The following ADGRV1 variants were observed in gnomAD, a reference collection of about 807,000 sequenced individuals.
ADGRV1 encodes adhesion G protein-coupled receptor V1.
ADGRV1 carries 359 observed loss-of-function variants against 596.2 expected under a neutral mutation model. The observed-to-expected ratio is 0.60, with a 90% CI of 0.55 to 0.66. The LOEUF (loss-of-function observed/expected upper bound fraction) is 0.66, where lower values mean the gene tolerates loss of function less well. Ranked by LOEUF, ADGRV1 falls within the 30% of genes least tolerant of loss-of-function variation. The pLI, the probability that ADGRV1 is intolerant of heterozygous loss-of-function variation, is 0.00. For missense variants in ADGRV1, 7,274 were observed against 7,575.6 expected, an observed-to-expected ratio of 0.96 and a Z score of 1.48; for synonymous variants, 2,681 against 2,679.2, an observed-to-expected ratio of 1.00 and a Z score of -0.02.
At chr5:90,671,664 A>C (rs575265989) in intron 21 of ADGRV1, among the ~76,000 whole-genome samples, 4 of 152,210 alleles carry the variant, frequency 2.6e-5, no homozygotes, top group Admixed American at 6.5e-5. Context: ...GGTTCATATG[A>C]AAAATACAGA....
chr5:90,666,899 G>A, intron 21 of ADGRV1, among the ~76,000 whole-genome samples: 1 of 151,262 alleles, frequency 6.6e-6, no homozygotes, highest in South Asian at 2.1e-4. Context: ...TGAAATTCTG[G>A]GTTGAAAATT....
chr5:90,810,428 G>A lies in ADGRV1; in HGVS notation c.15168G>A (p.Glu5056=). 1.2e-6 allele frequency: 2 copies of A among 1,613,844 alleles called. No individual in the cohort carries two copies. Among genetic ancestry groups the A allele is most frequent in the Non-Finnish European group, 1.7e-6 (2 of 1,179,784 alleles). ...AGSAKPLEDF[E]PVQNGELFFQ... is the part of the protein sequence containing the mutation. Reference sequence around the variant, plus strand: ...GCGCCAAGCCACTGGAAGATTTTGAGCCTGTTCAGAATGGGGAACTGTTTT... The same window carrying A: ...GCGCCAAGCCACTGGAAGATTTTGAACCTGTTCAGAATGGGGAACTGTTTT... Residue 5056 remains glutamate, a synonymous_variant, in exon 74 of 90, where the codon GAG becomes GAA. Transcript: ENST00000405460.
intron 78 of ADGRV1, among the ~76,000 whole-genome samples, chr5:90,841,838 G>C (rs189300781): frequency 6.6e-6 from 1 of 152,222 alleles, no homozygotes; most frequent in East Asian, 1.9e-4. Context: ...CCATCCAGTG[G>C]TATCTCTTAA....
chr5:90,628,597 C>T lies in ADGRV1; in HGVS notation c.1274C>T (p.Thr425Ile). Residue 425 changes from threonine (T) to isoleucine (I), a missense_variant, in exon 8 of 90, where the codon ACC becomes ATC. This residue lies in a region of ADGRV1 where 1,715 missense variants were observed against 1,708.8 expected (regional missense o/e 1.00). Coordinates refer to ENST00000405460, the MANE Select transcript of ADGRV1 (RefSeq NM_032119.4). ...ATCACAGTGGTTAGAAATGGAGGAA[C>T]CCATGGGAATGTCTCTGCGAATTGG... is the stretch of plus-strand genomic sequence containing the variant. Reference protein sequence around the residue: ...EEITVVRNGGTHGNVSANWVL... With the variant: ...EEITVVRNGGIHGNVSANWVL... 2 of 1,613,764 alleles carry T rather than the reference C, an allele frequency of 1.2e-6. No homozygotes were observed. The highest frequency in any genetic ancestry group is 2.7e-5 in the African/African-American group (2 of 75,042).
At chr5:90,861,641 T>A (rs1440510033) in intron 82 of ADGRV1, among the ~76,000 whole-genome samples, 5 of 152,188 alleles carry the variant, frequency 3.3e-5, no homozygotes, top group African/African-American at 1.2e-4. Flanking sequence ...ATTCTATTTA[T>A]AGTTATAACA....
chr5:90,829,164 T>G lies in ADGRV1; in HGVS notation c.16589T>G (p.Met5530Arg). The G allele has an allele frequency of 6.4e-7, 1 of 1,563,752 alleles. No individual in the cohort carries two copies. The highest frequency in any genetic ancestry group is 1.2e-5 in the South Asian group (1 of 81,456). Residue 5530 changes from methionine to arginine, a missense_variant, in exon 77 of 90, where the codon ATG becomes AGG. Around this residue, in one of 5 missense-constraint regions of ADGRV1, gnomAD observed 1,874 missense variants for 1,970.2 expected, o/e 0.95. Coordinates refer to ENST00000405460, the MANE Select transcript of ADGRV1 (RefSeq NM_032119.4). ...VARDSGTGLM[M>R]SVNFSTQELR... ...AGAGATTCTGGGACAGGACTAATGA[T>G]GTCTGTTAACTTTAGTACCCAGGTA...
intron 17 of ADGRV1, among the ~76,000 whole-genome samples, chr5:90,650,013 A>G (rs1395365609): frequency 6.6e-6 from 1 of 152,202 alleles, no homozygotes; most frequent in Admixed American, 6.5e-5. Flanking sequence ...ACTTTCGTTA[A>G]GAAGGCTCAG....
At chr5:90,619,838 GA>G (rs1763828647) in intron 4 of ADGRV1, among the ~76,000 whole-genome samples, 1 of 149,268 alleles carries the variant, frequency 6.7e-6, no homozygotes, top group African/African-American at 2.5e-5. Flanking sequence ...ACCTATGAGT[GA>G]GAACATGCGG....
chr5:91,101,271 G>A (rs1461867309), intron 86 of ADGRV1, among the ~76,000 whole-genome samples: 2 of 152,168 alleles, frequency 1.3e-5, no homozygotes, highest in African/African-American at 4.8e-5. Flanking sequence ...TTGTTTCCAA[G>A]TAAAATTAAA....
chr5:90,850,410 C>T (rs1766364756), intron 79 of ADGRV1, among the ~76,000 whole-genome samples: 1 of 152,076 alleles, frequency 6.6e-6, no homozygotes, highest in Admixed American at 6.5e-5. Flanking sequence ...CATCTGAGAC[C>T]AATGATTAAC....
In ADGRV1 at chr5:90,625,244, G is replaced by T. The variant is rs1162646121; in HGVS notation, c.672+1G>T. ...TAACTTGACAGTACTCGATGACGAG[G>T]TTGGCTAATGTTACATACCCAAATG... is the stretch of plus-strand genomic sequence containing the variant. On this transcript the variant is annotated splice_donor_variant, in intron 6 of 89. Transcript: ENST00000405460. LOFTEE classifies it high-confidence loss of function. 6.3e-7 allele frequency: 1 copy of T among 1,583,810 alleles called. No individual in the cohort carries two copies. The highest frequency in any genetic ancestry group is 8.7e-7 in the Non-Finnish European group (1 of 1,153,622).
intron 21 of ADGRV1, among the ~76,000 whole-genome samples, chr5:90,666,633 G>C (rs1771452927): frequency 7.1e-6 from 1 of 140,922 alleles, no homozygotes; most frequent in South Asian, 2.4e-4. Context: ...ATTGTTATGT[G>C]TGAATTTGAT....
intron 87 of ADGRV1, among the ~76,000 whole-genome samples, chr5:91,147,085 T>G (rs1360771245): frequency 2.0e-5 from 3 of 151,694 alleles, no homozygotes; most frequent in Non-Finnish European, 2.9e-5. Context: ...GAGTATCGCT[T>G]GAGCCTGGGA....
Position 90,805,357 on chromosome 5 carries a change from G to A in ADGRV1, c.14735G>A (p.Arg4912Lys), listed in dbSNP as rs750730888. ...ACAAGCCACGTTATGATTTCTAGGA[G>A]AGGCACATATGGAGCTCTCTCGGTT... ...AGTSHVMISR[R>K]GTYGALSVAW... is the part of the protein sequence containing the mutation. The change falls in exon 72 of 90, where the codon AGA (arginine) becomes AAA (lysine). Residue 4912 changes from arginine (R) to lysine (K), a missense_variant. Arg to Lys is a conservative substitution (Grantham distance 26). Around this residue, in one of 5 missense-constraint regions of ADGRV1, gnomAD observed 1,874 missense variants for 1,970.2 expected, o/e 0.95. Coordinates refer to ENST00000405460, the MANE Select transcript of ADGRV1 (RefSeq NM_032119.4). The A allele has an allele frequency of 6.2e-7, 1 of 1,612,796 alleles. No homozygotes were observed. The highest frequency in any genetic ancestry group is 8.5e-7 in the Non-Finnish European group (1 of 1,179,000).
intron 87 of ADGRV1, among the ~76,000 whole-genome samples, chr5:91,124,658 A>G (rs1161626849): frequency 1.3e-5 from 2 of 152,320 alleles, no homozygotes; most frequent in South Asian, 4.1e-4. Flanking sequence ...AAAATGACAG[A>G]TGGGACAAAA....
chr5:90,925,608 C>T (rs373187886), intron 83 of ADGRV1, among the ~76,000 whole-genome samples: 17 of 150,746 alleles, frequency 1.1e-4, no homozygotes, highest in South Asian at 6.3e-4. Flanking sequence ...CTTTTCCTAA[C>T]TGAATACCCT....
intron 87 of ADGRV1, among the ~76,000 whole-genome samples, chr5:91,105,967 C>T (rs1006298317): frequency 1.5e-4 from 22 of 150,216 alleles, no homozygotes; most frequent in Non-Finnish European, 2.1e-4. Context: ...ATTTAATAGC[C>T]TGTAAAATCT....
chr5:91,049,494 A>G (rs527482926), intron 85 of ADGRV1, among the ~76,000 whole-genome samples: 2 of 152,354 alleles, frequency 1.3e-5, no homozygotes, highest in South Asian at 4.1e-4. Context: ...AAGTTAGCCC[A>G]TTTGGAATAA....
chr5:90,947,242 A>G (rs1354440311), intron 83 of ADGRV1, among the ~76,000 whole-genome samples: 2 of 152,084 alleles, frequency 1.3e-5, no homozygotes, highest in African/African-American at 4.8e-5. Flanking sequence ...AATCAGTGAT[A>G]TCGAGCTTTT....
Sources: allele counts gnomAD v4.1 joint callset (sites outside exome capture counted in the v4.1 genomes callset), GRCh38; gene constraint gnomAD v4.1.1; regional missense constraint gnomAD v4.1.1; transcripts MANE v1.5; gene names NCBI Gene and HGNC (gene_info 2026-07-23, HGNC 2026-07-21).